Variants in MAP2K6 observed in about 807,000 individuals in gnomAD.
MAP2K6 encodes the protein mitogen-activated protein kinase kinase 6.
A neutral mutation model predicts 53.7 loss-of-function variants in MAP2K6; 16 were observed. The ratio of observed to expected loss-of-function variants is 0.30; its 90% confidence interval spans 0.20 to 0.45. The LOEUF (loss-of-function observed/expected upper bound fraction) is 0.45, where lower values mean the gene tolerates loss of function less well. Ranked by LOEUF, MAP2K6 falls within the 20% of genes least tolerant of loss-of-function variation. The probability of loss-of-function intolerance (pLI) is 1.00; values close to 1 mark genes in which losing one functional copy is unlikely to be tolerated. For missense variants in MAP2K6, 204 were observed against 411.9 expected (o/e 0.50, Z 4.37); for synonymous variants, 132 against 143.1 (o/e 0.92, Z 0.55).
chr17:69,526,763 A>T, intron 10 of MAP2K6, 54 bp downstream of exon 10: 1 of 1,581,296 alleles, frequency 6.3e-7, no homozygotes, highest in South Asian at 1.1e-5. Context: ...ATGAGTTCTC[A>T]TGAATTTCTT....
At chr17:69,415,890 T>C (rs1274181264) in intron 1 of MAP2K6, among the ~76,000 whole-genome samples, 1 of 152,238 alleles carries the variant, frequency 6.6e-6, no homozygotes, top group Non-Finnish European at 1.5e-5. Context: ...TTTATTTTCT[T>C]TTCTTAATTT....
At position 69,472,987 on chromosome 17, in the gene MAP2K6, G is replaced by A. The variant is rs2365496; in HGVS notation, c.17-32793G>A. Among the ~76,000 whole-genome samples the A allele has an allele frequency of 5.8e-4, 89 of 152,312 alleles. 3 individuals carry two copies. The East Asian group carries it at 0.016, about 27-fold the overall frequency. ...CTCCCAAAGTGCTGGGATTACAAGCGTGAGCCAATGCGCCTGGCCTATTCA... is the reference window on the plus strand; with the variant it reads ...CTCCCAAAGTGCTGGGATTACAAGCATGAGCCAATGCGCCTGGCCTATTCA... On this transcript the variant is annotated intron_variant, in intron 1 of 11. Coordinates refer to ENST00000590474, the MANE Select transcript of MAP2K6 (RefSeq NM_002758.4).
chr17:69,464,582 A>C (rs753823637), intron 1 of MAP2K6, among the ~76,000 whole-genome samples: 1 of 151,996 alleles, frequency 6.6e-6, no homozygotes, highest in Non-Finnish European at 1.5e-5. Flanking sequence ...AGGTTTCACT[A>C]TGTTGCCCAA....
At chr17:69,487,373 C>A (rs1038458169) in intron 1 of MAP2K6, among the ~76,000 whole-genome samples, 1 of 152,186 alleles carries the variant, frequency 6.6e-6, no homozygotes, top group African/African-American at 2.4e-5. Flanking sequence ...TTAAGCAATT[C>A]GTGTGAAATG....
chr17:69,464,906 G>T, intron 1 of MAP2K6, among the ~76,000 whole-genome samples: 1 of 151,936 alleles, frequency 6.6e-6, no homozygotes, highest in East Asian at 1.9e-4. Flanking sequence ...AGTAGAGACT[G>T]GGTTTCACCA....
chr17:69,497,594 TTA>T, intron 1 of MAP2K6, among the ~76,000 whole-genome samples: 1 of 152,348 alleles, frequency 6.6e-6, no homozygotes, highest in Non-Finnish European at 1.5e-5. Context: ...ACTTCTCTTT[TTA>T]CATCTGAAAT....
At chr17:69,501,879 T>A (rs1909188574) in intron 1 of MAP2K6, 1 of 151,578 alleles carries the variant, frequency 6.6e-6, no homozygotes, top group African/African-American at 2.4e-5. Context: ...TGAACATAGT[T>A]GGCCACTTAG....
At chr17:69,503,139 G>T (rs929856383) in intron 1 of MAP2K6, among the ~76,000 whole-genome samples, 2 of 152,126 alleles carry the variant, frequency 1.3e-5, no homozygotes, top group Non-Finnish European at 2.9e-5. Flanking sequence ...GAGAACTGTA[G>T]GGTCGCCTTT....
Position 69,545,465 on chromosome 17 carries a change from C to T in MAP2K6, c.*3712C>T, listed in dbSNP as rs1255940982. The T allele has an allele frequency of 1.3e-5, 2 of 152,062 alleles. No individual in the cohort carries two copies. The highest frequency in any genetic ancestry group is 1.9e-4 in the East Asian group (1 of 5,182). 9.4% of individuals were successfully genotyped at this position (152,062 alleles called of 1,614,324 possible). A position where few individuals can be genotyped will look rare whatever the true frequency, so the allele number is the denominator to read the frequency against. On this transcript the variant is annotated 3_prime_UTR_variant, in exon 12 of 12. Coordinates refer to ENST00000590474, the MANE Select transcript of MAP2K6 (RefSeq NM_002758.4). ...ACAGTTAAGCCATCTGAAATGGAAA[C>T]GAGTATGTATGGGCATGGCTTGAAA...
intron 4 of MAP2K6, among the ~76,000 whole-genome samples, chr17:69,518,098 G>A (rs1051069040): frequency 3.3e-5 from 5 of 152,170 alleles, no homozygotes; most frequent in South Asian, 2.1e-4. Flanking sequence ...GTTGAGGCAG[G>A]AGAATCACTT....
chr17:69,552,935 AC>A lies in MAP2K6; in HGVS notation c.*11183del, dbSNP rs1352253448. The A allele has an allele frequency of 4.6e-5, 7 of 152,180 alleles. No individual in the cohort carries two copies. Among genetic ancestry groups the A allele is most frequent in the Non-Finnish European group, 7.3e-5 (5 of 68,050 alleles). 9.4% of individuals were successfully genotyped at this position (152,180 alleles called of 1,614,324 possible). A position where few individuals can be genotyped will look rare whatever the true frequency, so the allele number is the denominator to read the frequency against. ...GCCAAGGAAATAGCCAGTATGCAGG[AC>A]TTGCAGTAGATATAAGCATTGGTGT... On this transcript the variant is annotated 3_prime_UTR_variant, in exon 12 of 12. Coordinates refer to ENST00000590474, the MANE Select transcript of MAP2K6 (RefSeq NM_002758.4).
chr17:69,499,679 T>C (rs989432575), intron 1 of MAP2K6, among the ~76,000 whole-genome samples: 3 of 152,170 alleles, frequency 2.0e-5, no homozygotes, highest in East Asian at 1.9e-4. Flanking sequence ...GGCAAAATCA[T>C]TGGCCATCAT....
intron 1 of MAP2K6, among the ~76,000 whole-genome samples, chr17:69,493,266 A>G (rs1908817892): frequency 6.6e-6 from 1 of 151,376 alleles, no homozygotes; most frequent in Non-Finnish European, 1.5e-5. Context: ...AAAAATTTAA[A>G]ATTTTATATA....
In MAP2K6 at chr17:69,547,223, T is replaced by C. The variant is rs1911913463; in HGVS notation, c.*5470T>C. The C allele has an allele frequency of 6.6e-6, 1 of 152,250 alleles. No individual in the cohort carries two copies. Among genetic ancestry groups the C allele is most frequent in the Admixed American group, 6.5e-5 (1 of 15,284 alleles). 9.4% of individuals were successfully genotyped at this position (152,250 alleles called of 1,614,324 possible). A position where few individuals can be genotyped will look rare whatever the true frequency, so the allele number is the denominator to read the frequency against. On this transcript the variant is annotated 3_prime_UTR_variant, in exon 12 of 12. Transcript: ENST00000590474. ...TTGTTGTTGGGAGGGGGTTGCAGTT[T>C]ATATACTCCACGGGGTTAGTAGCTC...
chr17:69,437,926 A>G (rs1238831406), intron 1 of MAP2K6, among the ~76,000 whole-genome samples: 1 of 152,236 alleles, frequency 6.6e-6, no homozygotes, highest in Non-Finnish European at 1.5e-5. Context: ...TCCCTTTTAT[A>G]GCTGAATAAT....
chr17:69,537,804 G>A (rs1431505240), intron 11 of MAP2K6, among the ~76,000 whole-genome samples: 1 of 152,158 alleles, frequency 6.6e-6, no homozygotes, highest in Admixed American at 6.5e-5. Context: ...GGAAATATGA[G>A]TAATGTTTGA....
chr17:69,514,087 C>T (rs901948053), intron 2 of MAP2K6, among the ~76,000 whole-genome samples: 5 of 146,082 alleles, frequency 3.4e-5, no homozygotes, highest in Non-Finnish European at 5.9e-5. Flanking sequence ...CCAGCCTGGG[C>T]GACAGGGTGA....
chr17:69,499,196 T>A (rs971310281), intron 1 of MAP2K6, among the ~76,000 whole-genome samples: 1 of 152,202 alleles, frequency 6.6e-6, no homozygotes, highest in African/African-American at 2.4e-5. Flanking sequence ...AATGTAATTC[T>A]AGTGTAAATA....
intron 1 of MAP2K6, among the ~76,000 whole-genome samples, chr17:69,469,759 C>T (rs1022383084): frequency 7.2e-5 from 11 of 151,864 alleles, no homozygotes; most frequent in African/African-American, 2.7e-4. Flanking sequence ...AGTGAGACTC[C>T]ATCTCAAAAA....
Sources: gnomAD v4.1 joint callset for allele counts (sites outside exome capture counted in the v4.1 genomes callset) on GRCh38, gnomAD v4.1.1 for gene constraint, MANE v1.5 for transcripts, NCBI Gene and HGNC (gene_info 2026-07-23, HGNC 2026-07-21) for gene names.